The following KCTD16 variants were observed in gnomAD, a reference collection of about 807,000 sequenced individuals.
The protein encoded by KCTD16 is potassium channel tetramerization domain containing 16.
In KCTD16, 13 loss-of-function variants were observed where a neutral mutation model predicts 33.2. The ratio of observed to expected loss-of-function variants is 0.39; its 90% confidence interval spans 0.25 to 0.62. The LOEUF is 0.62. Among genes scored for constraint, KCTD16 ranks in the 20% least tolerant of loss-of-function variants. The pLI, the probability that KCTD16 is intolerant of heterozygous loss-of-function variation, is 0.50. For missense variants in KCTD16, 441 were observed against 525.1 expected, an observed-to-expected ratio of 0.84 and a Z score of 1.57; for synonymous variants, 197 against 195.3, an observed-to-expected ratio of 1.01 and a Z score of -0.07.
chr5:144,315,091 T>G (rs148064177), intron 3 of KCTD16, among the ~76,000 whole-genome samples: 2 of 152,350 alleles, frequency 1.3e-5, no homozygotes, highest in Non-Finnish European at 2.9e-5. Context: ...TTTCTGATAT[T>G]CAAAGGTATT....
intron 2 of KCTD16, among the ~76,000 whole-genome samples, chr5:144,178,506 A>G (rs1164564897): frequency 6.6e-6 from 1 of 152,220 alleles, no homozygotes; most frequent in Non-Finnish European, 1.5e-5. Context: ...TCTAGAAGTC[A>G]AAGATAAACA....
chr5:144,278,724 C>T (rs370413851), intron 3 of KCTD16, among the ~76,000 whole-genome samples: 1 of 151,812 alleles, frequency 6.6e-6, no homozygotes, highest in Non-Finnish European at 1.5e-5. Flanking sequence ...GTCTCGATCT[C>T]CTGACCTCAT....
At chr5:144,265,534 C>A (rs2126842466) in intron 3 of KCTD16, among the ~76,000 whole-genome samples, 1 of 152,298 alleles carries the variant, frequency 6.6e-6, no homozygotes, top group East Asian at 1.9e-4. Context: ...ATGCCTCTGG[C>A]TTTATTCAAC....
In KCTD16 at chr5:144,383,886, T is replaced by TA. The variant is rs560125510; in HGVS notation, c.833-89769dup. On this transcript the variant is annotated intron_variant, in intron 3 of 3. Transcript: ENST00000512467. Reference sequence around the variant, plus strand: ...TTCTGATGGGTTTGAAACACTTCGTTAAAAACCAATATTATAAAAAATACG... The same window carrying TA: ...TTCTGATGGGTTTGAAACACTTCGTTAAAAAACCAATATTATAAAAAATACG... Among the ~76,000 whole-genome samples the TA allele has an allele frequency of 3.3e-5, 5 of 152,302 alleles. No individual in the cohort carries two copies. In the South Asian group the frequency reaches 1.0e-3, roughly 32 times the overall value.
chr5:144,467,044 T>TGTA (rs1754356199), intron 3 of KCTD16, among the ~76,000 whole-genome samples: 1 of 59,662 alleles, frequency 1.7e-5, no homozygotes, highest in African/African-American at 4.9e-5. Context: ...TTATATATAA[T>TGTA]ATATATAACA....
chr5:144,213,278 G>A (rs766585073), intron 3 of KCTD16, among the ~76,000 whole-genome samples: 3 of 151,846 alleles, frequency 2.0e-5, no homozygotes, highest in Non-Finnish European at 4.4e-5. Context: ...ATGCAACAAA[G>A]TGGTAAAATG....
chr5:144,381,855 C>T (rs1444494008), intron 3 of KCTD16, among the ~76,000 whole-genome samples: 3 of 152,152 alleles, frequency 2.0e-5, no homozygotes, highest in Non-Finnish European at 2.9e-5. Context: ...TACCATTTGA[C>T]CCAGCAATTC....
chr5:144,443,089 C>T (rs145846976), intron 3 of KCTD16, among the ~76,000 whole-genome samples: 1 of 152,098 alleles, frequency 6.6e-6, no homozygotes, highest in African/African-American at 2.4e-5. Context: ...CAAGCTTCTG[C>T]AACCGGTGTC....
chr5:144,308,927 C>G (rs1180179383), intron 3 of KCTD16, among the ~76,000 whole-genome samples: 1 of 151,932 alleles, frequency 6.6e-6, no homozygotes, highest in Non-Finnish European at 1.5e-5. Context: ...ATTCCTCACA[C>G]GTGGGCTTTG....
intron 3 of KCTD16, among the ~76,000 whole-genome samples, chr5:144,298,023 C>T (rs1756093827): frequency 6.6e-6 from 1 of 152,186 alleles, no homozygotes; most frequent in Admixed American, 6.5e-5. Context: ...TGCTCCTGAT[C>T]CAGCAAGGCG....
chr5:144,441,007 G>A (rs1270227624), intron 3 of KCTD16, among the ~76,000 whole-genome samples: 1 of 149,994 alleles, frequency 6.7e-6, no homozygotes, highest in Non-Finnish European at 1.5e-5. Context: ...TTTTGTCCTT[G>A]CGATAGTTTG....
At chr5:144,252,835 C>T (rs2126832560) in intron 3 of KCTD16, among the ~76,000 whole-genome samples, 1 of 151,328 alleles carries the variant, frequency 6.6e-6, no homozygotes. Context: ...TAATTAGAGC[C>T]TGGCTCTATC....
At position 144,182,409 on chromosome 5, in the gene KCTD16, C is replaced by A. The variant is rs73792183; in HGVS notation, c.-327+7937C>A. On this transcript the variant is annotated intron_variant, in intron 2 of 3. Coordinates refer to ENST00000512467, the MANE Select transcript of KCTD16 (RefSeq NM_020768.4). ...CTAAAACATATGTGGAATCTAAAAG[C>A]AAACAGAGAAACAAAGCCCTTTAAA... 2.2e-4 allele frequency among the ~76,000 whole-genome samples: 33 copies of A among 152,170 alleles called. No individual in the cohort carries two copies. In the East Asian group the frequency reaches 5.2e-3, roughly 24 times the overall value.
intron 3 of KCTD16, among the ~76,000 whole-genome samples, chr5:144,422,503 G>T (rs1406518584): frequency 2.6e-5 from 4 of 152,064 alleles, no homozygotes; most frequent in Middle Eastern, 3.2e-3. Flanking sequence ...TTATTACTTG[G>T]CACAGAGCCA....
At chr5:144,195,406 T>G (rs1359403611) in intron 2 of KCTD16, among the ~76,000 whole-genome samples, 1 of 152,226 alleles carries the variant, frequency 6.6e-6, no homozygotes, top group African/African-American at 2.4e-5. Context: ...GTTGTTGCAG[T>G]GCAGCCTGCT....
At chr5:144,303,698 TG>T (rs1195272082) in intron 3 of KCTD16, among the ~76,000 whole-genome samples, 1 of 148,852 alleles carries the variant, frequency 6.7e-6, no homozygotes, top group Non-Finnish European at 1.5e-5. Flanking sequence ...AAGGACTAGG[TG>T]GGGGTGGGAA....
intron 3 of KCTD16, among the ~76,000 whole-genome samples, chr5:144,243,202 G>A (rs1754451168): frequency 6.6e-6 from 1 of 152,104 alleles, no homozygotes; most frequent in African/African-American, 2.4e-5. Flanking sequence ...TACTTTTGAT[G>A]TGGATCTTGA....
At chr5:144,251,886 A>G (rs1000878698) in intron 3 of KCTD16, among the ~76,000 whole-genome samples, 1 of 152,178 alleles carries the variant, frequency 6.6e-6, no homozygotes, top group Non-Finnish European at 1.5e-5. Flanking sequence ...GAAAAATACT[A>G]TCATTAATTA....
At chr5:144,225,740 C>T (rs77931823) in intron 3 of KCTD16, among the ~76,000 whole-genome samples, 1 of 152,270 alleles carries the variant, frequency 6.6e-6, no homozygotes, top group Non-Finnish European at 1.5e-5. Flanking sequence ...AAGCATGAAA[C>T]CTATGACTAA....
Sources: gnomAD v4.1 joint callset for allele counts (sites outside exome capture counted in the v4.1 genomes callset) on GRCh38, gnomAD v4.1.1 for gene constraint, MANE v1.5 for transcripts, NCBI Gene and HGNC (gene_info 2026-07-23, HGNC 2026-07-21) for gene names.